LRRTM4: variants seen among roughly 807,000 people sequenced by gnomAD.
LRRTM4 encodes leucine rich repeat transmembrane neuronal 4.
In LRRTM4, 25 loss-of-function variants were observed where a neutral mutation model predicts 47.6. The ratio of observed to expected loss-of-function variants is 0.53; its 90% CI spans 0.38 to 0.73. The LOEUF is 0.73. Among genes scored for constraint, LRRTM4 ranks in the 30% least tolerant of loss-of-function variants. The pLI is 0.00. For synonymous variants in LRRTM4, 311 were observed against 269.5 expected, an observed-to-expected ratio of 1.15 and a Z score of -1.51; for missense variants, 638 against 713.4, an observed-to-expected ratio of 0.89 and a Z score of 1.20.
intron 3 of LRRTM4, among the ~76,000 whole-genome samples, chr2:76,875,753 G>A (rs761811373): frequency 1.3e-5 from 2 of 152,138 alleles, no homozygotes; most frequent in Non-Finnish European, 2.9e-5. Flanking sequence ...GTGTATCTAT[G>A]TTGAGATTGG....
intron 3 of LRRTM4, among the ~76,000 whole-genome samples, chr2:76,805,731 G>A (rs564450760): frequency 6.0e-4 from 91 of 152,164 alleles, no homozygotes; most frequent in Non-Finnish European, 9.1e-4. Context: ...AAACCATCAC[G>A]CATCCACCAG....
At chr2:76,836,416 G>T (rs915490471) in intron 3 of LRRTM4, among the ~76,000 whole-genome samples, 7 of 151,778 alleles carry the variant, frequency 4.6e-5, no homozygotes, top group African/African-American at 1.7e-4. Flanking sequence ...GTCTATGCCA[G>T]CATTTGCAAA....
At chr2:77,222,752 A>T (rs2103951995) in intron 3 of LRRTM4, among the ~76,000 whole-genome samples, 1 of 152,300 alleles carries the variant, frequency 6.6e-6, no homozygotes, top group South Asian at 2.1e-4. Context: ...GACCAGATGG[A>T]TTCACAGCCG....
intron 3 of LRRTM4, among the ~76,000 whole-genome samples, chr2:77,485,003 G>C (rs1035544677): frequency 1.3e-5 from 2 of 151,978 alleles, no homozygotes; most frequent in African/African-American, 4.8e-5. Flanking sequence ...TAATGAATTA[G>C]ATATTTAGTA....
chr2:77,081,545 CCACT>C (rs1680534173), intron 3 of LRRTM4, among the ~76,000 whole-genome samples: 1 of 151,874 alleles, frequency 6.6e-6, no homozygotes, highest in African/African-American at 2.4e-5. Context: ...TATCTATCTG[CCACT>C]CACTCCAGAA....
intron 3 of LRRTM4, among the ~76,000 whole-genome samples, chr2:77,214,335 A>T (rs1674378349): frequency 6.6e-6 from 1 of 152,206 alleles, no homozygotes; most frequent in African/African-American, 2.4e-5. Context: ...CTCTACTTTT[A>T]CAAAAGGGAT....
chr2:77,057,805 C>A (rs540614217), intron 3 of LRRTM4, among the ~76,000 whole-genome samples: 2 of 152,198 alleles, frequency 1.3e-5, no homozygotes, highest in South Asian at 4.2e-4. Context: ...ATAAATGACA[C>A]CTCTATTAAG....
chr2:76,822,035 TAAAAC>T (rs1389679564), intron 3 of LRRTM4, among the ~76,000 whole-genome samples: 7 of 151,524 alleles, frequency 4.6e-5, no homozygotes, highest in Admixed American at 1.3e-4. Flanking sequence ...TCAATAAAAA[TAAAAC>T]AAACCAAATT....
chr2:77,384,932 ATAT>A (rs1435937912), intron 3 of LRRTM4, among the ~76,000 whole-genome samples: 1 of 152,054 alleles, frequency 6.6e-6, no homozygotes, highest in Non-Finnish European at 1.5e-5. Flanking sequence ...AAACCCACAA[ATAT>A]TATAATATTC....
chr2:76,972,412 CTTTTTTTTTTTT>C (rs397869502), intron 3 of LRRTM4, among the ~76,000 whole-genome samples: 1 of 95,258 alleles, frequency 1.0e-5, no homozygotes, highest in South Asian at 3.4e-4. Flanking sequence ...TCATTGAACA[CTTTTTTTTTTTT>C]TTTTTTTTTT....
intron 3 of LRRTM4, among the ~76,000 whole-genome samples, chr2:77,207,893 T>TTTTTTTTTG (rs1674184420): frequency 1.3e-4 from 18 of 142,408 alleles, no homozygotes; most frequent in African/African-American, 1.6e-4. Flanking sequence ...TTTTTTTTTT[T>TTTTTTTTTG]GTGAGATGTA....
chr2:77,453,339 G>A (rs998323762), intron 3 of LRRTM4, among the ~76,000 whole-genome samples: 3 of 151,550 alleles, frequency 2.0e-5, no homozygotes, highest in Admixed American at 2.0e-4. Context: ...CCACCACCAC[G>A]CCTGGCTAAT....
intron 3 of LRRTM4, among the ~76,000 whole-genome samples, chr2:77,163,537 A>C (rs1672791497): frequency 6.6e-6 from 1 of 152,218 alleles, no homozygotes; most frequent in African/African-American, 2.4e-5. Context: ...GATTTACCAA[A>C]GATGACGTGA....
chr2:76,802,403 A>T (rs1675747406), intron 3 of LRRTM4, among the ~76,000 whole-genome samples: 2 of 152,164 alleles, frequency 1.3e-5, no homozygotes, highest in Admixed American at 6.6e-5. Flanking sequence ...TTAGGAAAAA[A>T]TTTAACCAGT....
chr2:77,415,942 C>T (rs1674619488), intron 3 of LRRTM4, among the ~76,000 whole-genome samples: 1 of 152,004 alleles, frequency 6.6e-6, no homozygotes, highest in Non-Finnish European at 1.5e-5. Context: ...CAAATCCAAA[C>T]ATGATGGATT....
intron 3 of LRRTM4, among the ~76,000 whole-genome samples, chr2:76,893,664 A>G (rs1673322348): frequency 1.3e-5 from 2 of 151,836 alleles, no homozygotes; most frequent in African/African-American, 4.8e-5. Context: ...AAGAGAACTC[A>G]TCCTAAGAAG....
chr2:77,280,502 G>T lies in LRRTM4; in HGVS notation c.1551+237816C>A, dbSNP rs1209830823. Among the ~76,000 whole-genome samples the T allele has an allele frequency of 2.0e-5, 3 of 151,964 alleles. No individual in the cohort carries two copies. In the East Asian group the frequency reaches 5.8e-4, roughly 29 times the overall value. On this transcript the variant is annotated intron_variant, in intron 3 of 3. Transcript: ENST00000409884. ...TCTATTACTTCAGATACAGCTTATGGCACAATTTTCATTGCTATAATTAAT... is the reference window on the plus strand; with the variant it reads ...TCTATTACTTCAGATACAGCTTATGTCACAATTTTCATTGCTATAATTAAT...
At chr2:77,229,298 G>A (rs928411576) in intron 3 of LRRTM4, among the ~76,000 whole-genome samples, 8 of 151,996 alleles carry the variant, frequency 5.3e-5, no homozygotes, top group African/African-American at 1.9e-4. Context: ...TAATCACTGA[G>A]TAACAACTTA....
At chr2:76,981,521 A>G (rs1056615241) in intron 3 of LRRTM4, among the ~76,000 whole-genome samples, 1 of 152,006 alleles carries the variant, frequency 6.6e-6, no homozygotes, top group Non-Finnish European at 1.5e-5. Flanking sequence ...TTTGGATAGG[A>G]TCTTGCTCTG....
Sources: gnomAD v4.1 joint callset for allele counts (sites outside exome capture counted in the v4.1 genomes callset) on GRCh38, gnomAD v4.1.1 for gene constraint, MANE v1.5 for transcripts, NCBI Gene and HGNC (gene_info 2026-07-23, HGNC 2026-07-21) for gene names.